Variants in ATG10 observed in about 807,000 individuals in gnomAD.
ATG10 encodes the protein ubiquitin-like-conjugating enzyme ATG10.
ATG10 carries 30 observed loss-of-function variants against 32.1 expected under a neutral mutation model. That is an observed-to-expected ratio of 0.94 (90% CI 0.70 to 1.27). The LOEUF (loss-of-function observed/expected upper bound fraction) is 1.27. ATG10 is among the 50% of genes most tolerant of loss of function. ATG10 has a pLI of 0.00. For missense variants in ATG10, 233 were observed against 262.3 expected, an observed-to-expected ratio of 0.89 and a Z score of 0.77; for synonymous variants, 87 against 91.5, an observed-to-expected ratio of 0.95 and a Z score of 0.28.
chr5:82,092,626 AAG>A (rs999713924), intron 3 of ATG10, among the ~76,000 whole-genome samples: 1 of 152,172 alleles, frequency 6.6e-6, no homozygotes. Flanking sequence ...TGGGTAGCCC[AAG>A]CTTCTTTACT....
chr5:82,190,834 G>A (rs572177799), intron 5 of ATG10, among the ~76,000 whole-genome samples: 2 of 143,670 alleles, frequency 1.4e-5, no homozygotes, highest in South Asian at 2.3e-4. Context: ...AGGTAAGGTC[G>A]TAATTGTTTT....
chr5:81,982,769 A>G (rs1201700930), intron 1 of ATG10, among the ~76,000 whole-genome samples: 1 of 152,150 alleles, frequency 6.6e-6, no homozygotes, highest in Non-Finnish European at 1.5e-5. Flanking sequence ...ATGACTCTTA[A>G]TGAGCATGCT....
chr5:82,162,155 G>A (rs1264403341), intron 3 of ATG10, among the ~76,000 whole-genome samples: 1 of 151,790 alleles, frequency 6.6e-6, no homozygotes, highest in African/African-American at 2.4e-5. Context: ...ATCTCTAATA[G>A]TTATTATTTC....
At chr5:82,138,559 C>G (rs964689831) in intron 3 of ATG10, among the ~76,000 whole-genome samples, 9 of 151,974 alleles carry the variant, frequency 5.9e-5, no homozygotes, top group African/African-American at 2.2e-4. Flanking sequence ...CACCCACTCT[C>G]TAACGAGTCC....
At chr5:82,167,376 A>G (rs965584334) in intron 4 of ATG10, among the ~76,000 whole-genome samples, 1 of 152,252 alleles carries the variant, frequency 6.6e-6, no homozygotes, top group East Asian at 1.9e-4. Context: ...ATACATGTAT[A>G]AGATATATGT....
intron 2 of ATG10, among the ~76,000 whole-genome samples, chr5:82,053,153 C>G (rs1402650552): frequency 6.6e-6 from 1 of 152,116 alleles, no homozygotes; most frequent in Non-Finnish European, 1.5e-5. Flanking sequence ...CTATACATTC[C>G]CTTTCATACT....
chr5:81,984,212 G>T (rs930806190), intron 1 of ATG10, among the ~76,000 whole-genome samples: 2 of 152,276 alleles, frequency 1.3e-5, no homozygotes, highest in African/African-American at 4.8e-5. Context: ...ATCACTCGCG[G>T]TTAGGAGCTG....
chr5:82,115,446 G>A lies in ATG10; in HGVS notation c.217-48953G>A, dbSNP rs1243500813. Among the ~76,000 whole-genome samples the A allele has an allele frequency of 3.9e-5, 6 of 151,952 alleles. No individual in the cohort carries two copies. In the East Asian group the frequency reaches 1.2e-3, roughly 29 times the overall value. ...GTTGGCTGATGGACACATGGGATTC[G>A]TTTTACTGCTTTTATACTTTTGTAT... is the stretch of plus-strand genomic sequence containing the variant. On this transcript the variant is annotated intron_variant, in intron 3 of 7. Transcript: ENST00000282185.
chr5:82,076,818 G>T (rs1309028580), intron 3 of ATG10, among the ~76,000 whole-genome samples: 1 of 152,084 alleles, frequency 6.6e-6, no homozygotes, highest in Non-Finnish European at 1.5e-5. Context: ...AGTACTCAGT[G>T]GTCCTTTTTC....
intron 1 of ATG10, among the ~76,000 whole-genome samples, chr5:81,981,590 ACTTT>A (rs1290548842): frequency 6.6e-6 from 1 of 152,222 alleles, no homozygotes; most frequent in African/African-American, 2.4e-5. Context: ...GAAATTGCCT[ACTTT>A]ATTAGTCAAA....
chr5:82,058,642 A>T (rs552087833), intron 3 of ATG10, 40 bp downstream of exon 3: 11 of 1,366,250 alleles, frequency 8.1e-6, no homozygotes, highest in Admixed American at 1.7e-5. Context: ...CAGTCTCCGT[A>T]AAGTATACAT....
At chr5:82,214,799 G>A (rs960696544) in intron 5 of ATG10, among the ~76,000 whole-genome samples, 1 of 152,120 alleles carries the variant, frequency 6.6e-6, no homozygotes, top group Non-Finnish European at 1.5e-5. Flanking sequence ...GGAAACAAGT[G>A]CAAACTGGCA....
At chr5:82,101,816 A>G (rs948771916) in intron 3 of ATG10, among the ~76,000 whole-genome samples, 1 of 152,196 alleles carries the variant, frequency 6.6e-6, no homozygotes, top group Non-Finnish European at 1.5e-5. Flanking sequence ...CAATATACCT[A>G]TGCAGAAGCC....
intron 5 of ATG10, among the ~76,000 whole-genome samples, chr5:82,250,694 C>T (rs979348865): frequency 2.0e-5 from 3 of 152,092 alleles, no homozygotes; most frequent in Non-Finnish European, 4.4e-5. Context: ...CTTATTTATT[C>T]GTTCTGTGTG....
At chr5:82,183,636 A>T (rs1744334099) in intron 5 of ATG10, among the ~76,000 whole-genome samples, 1 of 152,178 alleles carries the variant, frequency 6.6e-6, no homozygotes, top group South Asian at 2.1e-4. Context: ...AGTGATTGCA[A>T]GATGGTGATG....
chr5:82,223,788 A>C (rs1277460876), intron 5 of ATG10, among the ~76,000 whole-genome samples: 1 of 152,140 alleles, frequency 6.6e-6, no homozygotes, highest in Non-Finnish European at 1.5e-5. Flanking sequence ...TTAAGTAGAG[A>C]GTTTGTTTAT....
At chr5:82,087,774 A>C (rs1764740186) in intron 3 of ATG10, among the ~76,000 whole-genome samples, 1 of 152,036 alleles carries the variant, frequency 6.6e-6, no homozygotes, top group African/African-American at 2.4e-5. Flanking sequence ...TATCCTTAAA[A>C]ATTTGCTGAG....
In ATG10 at chr5:82,178,851, T is replaced by TA. The variant is rs199950370; in HGVS notation, c.453+271dup. On this transcript the variant is annotated intron_variant, in intron 5 of 7. Coordinates refer to ENST00000282185, the MANE Select transcript of ATG10 (RefSeq NM_031482.5). Reference sequence around the variant, plus strand: ...TTTTAAATTACATATTAGGATGATTTAAAAAAATTGATGTCTGTCTTCTCC... The same window carrying TA: ...TTTTAAATTACATATTAGGATGATTTAAAAAAAATTGATGTCTGTCTTCTCC... 2.6e-5 allele frequency among the ~76,000 whole-genome samples: 4 copies of TA among 152,238 alleles called. No homozygotes were observed. The East Asian group carries it at 5.8e-4, about 22-fold the overall frequency.
chr5:82,253,756 C>A (rs973083672), intron 7 of ATG10, among the ~76,000 whole-genome samples: 1 of 152,320 alleles, frequency 6.6e-6, no homozygotes, highest in Admixed American at 6.5e-5. Flanking sequence ...CTATTGTGAA[C>A]TGCGCATCTG....
Sources: allele counts gnomAD v4.1 joint callset (sites outside exome capture counted in the v4.1 genomes callset), GRCh38; gene constraint gnomAD v4.1.1; transcripts MANE v1.5; gene names NCBI Gene and HGNC (gene_info 2026-07-23, HGNC 2026-07-21).